The following IQCH variants were observed in gnomAD, a reference collection of about 807,000 sequenced individuals.
IQCH encodes IQ motif containing H.
A neutral mutation model predicts 117.0 loss-of-function variants in IQCH; 98 were observed. The observed-to-expected ratio is 0.84, with a 90% CI of 0.71 to 0.99. IQCH has a LOEUF of 0.99. Ranked by LOEUF, IQCH falls within the 50% of genes least tolerant of loss-of-function variation. IQCH has a pLI of 0.00. For missense variants in IQCH, 1,102 were observed against 1,243.8 expected, an observed-to-expected ratio of 0.89 and a Z score of 1.72; for synonymous variants, 412 against 448.2, an observed-to-expected ratio of 0.92 and a Z score of 1.02.
Position 67,466,971 on chromosome 15 carries a change from C to T in IQCH, c.2676+1674C>T. On this transcript the variant is annotated intron_variant, in intron 17 of 20. Transcript: ENST00000335894. The surrounding 1 kb of genome is among the most constrained non-coding windows in gnomAD (Gnocchi z 4.4). ...AGGTGTGGTGGCTCACGCCTGTAAT[C>T]CCAGCACTTTGGGAGGCCGAGGCGG... 1 of 153,056 alleles carries T rather than the reference C, an allele frequency of 6.5e-6. No homozygotes were observed. The highest frequency in any genetic ancestry group is 1.5e-5 in the Non-Finnish European group (1 of 68,676). The allele number at this position is 153,056 out of a possible 1,614,324, so 9.5% of individuals were successfully genotyped here. A position where few individuals can be genotyped will look rare whatever the true frequency, so the allele number is the denominator to read the frequency against.
rs1431806267 is a variant in IQCH at position 67,451,353 on chromosome 15, G to A, written c.2506-13774G>A. ...TTAGATCTTTCCTGCTTTCTCTTGT[G>A]GGCATTTAGTGCTATAAATTTCCCT... On this transcript the variant is annotated intron_variant, in intron 16 of 20. Transcript: ENST00000335894. Among the ~76,000 whole-genome samples the A allele has an allele frequency of 1.7e-4, 26 of 151,674 alleles. No individual in the cohort carries two copies. The South Asian group carries it at 5.2e-3, about 31-fold the overall frequency.
intron 16 of IQCH, among the ~76,000 whole-genome samples, chr15:67,423,302 A>G (rs567327428): frequency 4.7e-4 from 71 of 152,298 alleles, no homozygotes; most frequent in African/African-American, 1.6e-3. Context: ...GTGGTGGCTC[A>G]TGCCTGTAAT....
chr15:67,335,763 G>A (rs1432923553), intron 4 of IQCH, among the ~76,000 whole-genome samples: 2 of 152,168 alleles, frequency 1.3e-5, no homozygotes, highest in African/African-American at 4.8e-5. Context: ...CACCTGGGGA[G>A]AAACAGATTG....
At chr15:67,283,582 G>A (rs768848358) in intron 4 of IQCH, among the ~76,000 whole-genome samples, 5 of 151,902 alleles carry the variant, frequency 3.3e-5, no homozygotes, top group Non-Finnish European at 5.9e-5. Context: ...GACCATGTAC[G>A]TTCTGGGGTT....
At position 67,494,765 on chromosome 15, in the gene IQCH, T is replaced by C. The variant is rs930993082; in HGVS notation, c.2970+399T>C. On this transcript the variant is annotated intron_variant, in intron 20 of 20. Transcript: ENST00000335894. The surrounding 1 kb of genome is among the most constrained non-coding windows in gnomAD (Gnocchi z 5.5). ...GTGATTCCTGGGAAGCCCTAGTTTC[T>C]AGAGCCAGAGAAGTTCTAAGACCCG... 2.0e-5 allele frequency among the ~76,000 whole-genome samples: 3 copies of C among 152,184 alleles called. No individual in the cohort carries two copies. Among genetic ancestry groups the C allele is most frequent in the Non-Finnish European group, 4.4e-5 (3 of 68,022 alleles).
chr15:67,441,718 C>A (rs545832838), intron 16 of IQCH, among the ~76,000 whole-genome samples: 1 of 152,188 alleles, frequency 6.6e-6, no homozygotes, highest in African/African-American at 2.4e-5. Flanking sequence ...TCATCTCTCA[C>A]CTTATACAAA....
chr15:67,325,042 A>G (rs1049151167), intron 4 of IQCH, among the ~76,000 whole-genome samples: 4 of 152,040 alleles, frequency 2.6e-5, no homozygotes, highest in African/African-American at 7.2e-5. Context: ...TGGGGCTTCA[A>G]TTACATGCAG....
rs779418098 is a variant in IQCH at position 67,359,802 on chromosome 15, A to T, written c.715-45A>T. 2 of 1,533,326 alleles carry T rather than the reference A, an allele frequency of 1.3e-6. No individual in the cohort carries two copies. Among genetic ancestry groups the T allele is most frequent in the Non-Finnish European group, 1.8e-6 (2 of 1,106,216 alleles). The allele number at this position is 1,533,326 out of a possible 1,614,324, so 95.0% of individuals were successfully genotyped here. A position where few individuals can be genotyped will look rare whatever the true frequency, so the allele number is the denominator to read the frequency against. ...TTCTATTTGTTTTGTAAAATTGCCC[A>T]TGAGAGTCGTTTTGATTTAAACTGT... On this transcript the variant is annotated intron_variant, in intron 7 of 20. Transcript: ENST00000335894. This position sits in a 1 kb window ranked among gnomAD's most constrained non-coding sequence, Gnocchi z 4.5.
intron 15 of IQCH, among the ~76,000 whole-genome samples, chr15:67,419,764 A>G (rs918521323): frequency 5.3e-5 from 8 of 152,140 alleles, no homozygotes; most frequent in African/African-American, 1.9e-4. Flanking sequence ...GACAGGGTCT[A>G]ACTTTGTGGC....
chr15:67,347,585 A>G (rs1467714338), intron 6 of IQCH, among the ~76,000 whole-genome samples: 1 of 151,866 alleles, frequency 6.6e-6, no homozygotes, highest in East Asian at 1.9e-4. Context: ...GGTGAATTCT[A>G]CCAAACAATT....
chr15:67,257,367 G>A (rs1256696323), intron 1 of IQCH, among the ~76,000 whole-genome samples: 4 of 152,204 alleles, frequency 2.6e-5, no homozygotes, highest in Non-Finnish European at 5.9e-5. Flanking sequence ...TAAAGCAGAG[G>A]TACTTTAAAT....
intron 4 of IQCH, among the ~76,000 whole-genome samples, chr15:67,309,356 A>G (rs1019655969): frequency 2.6e-5 from 4 of 152,108 alleles, no homozygotes; most frequent in Admixed American, 1.3e-4. Context: ...AATATTTTAC[A>G]TGATTATGCT....
chr15:67,384,971 T>A lies in IQCH; in HGVS notation c.1408T>A (p.Phe470Ile). 6.2e-7 allele frequency: 1 copy of A among 1,612,576 alleles called. No individual in the cohort carries two copies. ...SQPVREHIAD[F>I]NTQQNMQLGR... ...GCCTGTGAGAGAACATATTGCCGAT[T>A]TCAACACACAGCAGAACATGCAGCT... The change falls in exon 11 of 21, where the codon TTC (phenylalanine) becomes ATC (isoleucine). Residue 470 changes from phenylalanine (F) to isoleucine (I), a missense_variant. Phe to Ile is a conservative substitution (Grantham distance 21). Around this residue, in one of 2 missense-constraint regions of IQCH, gnomAD observed 650 missense variants for 794.3 expected, o/e 0.82. Coordinates refer to ENST00000335894, the MANE Select transcript of IQCH (RefSeq NM_001031715.3). This position sits in a 1 kb window ranked among gnomAD's most constrained non-coding sequence, Gnocchi z 4.3.
chr15:67,327,189 C>T (rs1291727856), intron 4 of IQCH, among the ~76,000 whole-genome samples: 1 of 152,064 alleles, frequency 6.6e-6, no homozygotes, highest in Non-Finnish European at 1.5e-5. Context: ...GAAGTGAGTA[C>T]AAGTCATAAG....
At chr15:67,497,626 T>C (rs2083857620) in intron 20 of IQCH, among the ~76,000 whole-genome samples, 1 of 152,158 alleles carries the variant, frequency 6.6e-6, no homozygotes, top group Non-Finnish European at 1.5e-5. Context: ...CCTGAGTAGC[T>C]GGGATTACAA....
At chr15:67,354,638 G>A (rs1969810599) in intron 6 of IQCH, among the ~76,000 whole-genome samples, 1 of 152,174 alleles carries the variant, frequency 6.6e-6, no homozygotes, top group African/African-American at 2.4e-5. Flanking sequence ...AGAGAAGAGG[G>A]AAGGAGGGAG....
intron 8 of IQCH, among the ~76,000 whole-genome samples, chr15:67,363,526 G>A (rs1970225763): frequency 6.6e-6 from 1 of 151,976 alleles, no homozygotes; most frequent in Non-Finnish European, 1.5e-5. Context: ...GATTACAGGC[G>A]TGAGCCACCA....
At chr15:67,340,464 A>AAAAAAAAC in intron 5 of IQCH, among the ~76,000 whole-genome samples, 1 of 136,056 alleles carries the variant, frequency 7.3e-6, no homozygotes, top group Non-Finnish European at 1.6e-5. Context: ...AAAAAAAAAA[A>AAAAAAAAC]CAGTAACTTG....
intron 8 of IQCH, among the ~76,000 whole-genome samples, chr15:67,360,844 C>G (rs1005205566): frequency 1.3e-5 from 2 of 152,238 alleles, no homozygotes; most frequent in Admixed American, 6.5e-5. Context: ...TGTACCTAGA[C>G]AGATTGCTCC....
Sources: allele counts gnomAD v4.1 joint callset (sites outside exome capture counted in the v4.1 genomes callset), GRCh38; gene constraint gnomAD v4.1.1; regional missense constraint gnomAD v4.1.1; non-coding constraint Gnocchi (gnomAD v3.1); transcripts MANE v1.5; gene names NCBI Gene and HGNC (gene_info 2026-07-23, HGNC 2026-07-21).